Variants in LARP4 observed in about 807,000 individuals in gnomAD.
The protein encoded by LARP4 is La ribonucleoprotein 4.
A neutral mutation model predicts 92.9 loss-of-function variants in LARP4; 29 were observed. That is an observed-to-expected ratio of 0.31 (90% CI 0.23 to 0.43). The LOEUF (loss-of-function observed/expected upper bound fraction) is 0.43. LARP4 is among the 20% of genes least tolerant of loss of function. The pLI is 1.00. For missense variants in LARP4, 732 were observed against 860.0 expected (o/e 0.85, Z 1.86); for synonymous variants, 279 against 284.1 (o/e 0.98, Z 0.18).
rs188357538 is a variant in LARP4 at position 50,419,090 on chromosome 12, G to A, written c.19-8672G>A. On this transcript the variant is annotated intron_variant, in intron 1 of 15. Coordinates refer to ENST00000398473, the MANE Select transcript of LARP4 (RefSeq NM_052879.5). ...AAAAAAGCAAATGAGGCTGGGCATG[G>A]TGGTTCATGCCTGTAGTCCCAGCAC... Among the ~76,000 whole-genome samples, 21 of 152,254 alleles carry A rather than the reference G, an allele frequency of 1.4e-4. No homozygotes were observed. In the East Asian group the frequency reaches 4.0e-3, roughly 29 times the overall value.
chr12:50,448,244 CT>C (rs199963645), intron 8 of LARP4, among the ~76,000 whole-genome samples: 2,026 of 152,172 alleles, frequency 0.013, 49 homozygotes, highest in African/African-American at 0.044. Context: ...TTTGTTTTAT[CT>C]TTTTCCCCCC....
intron 1 of LARP4, among the ~76,000 whole-genome samples, chr12:50,410,963 A>G (rs1284145240): frequency 5.9e-5 from 9 of 152,132 alleles, no homozygotes; most frequent in Non-Finnish European, 1.3e-4. Flanking sequence ...ATATTGATGA[A>G]TAAACTTCAG....
intron 5 of LARP4, 137 bp downstream of exon 5, chr12:50,435,761 T>G: frequency 1.5e-6 from 1 of 654,398 alleles, no homozygotes; most frequent in Non-Finnish European, 2.5e-6. Context: ...GAATTCTCTC[T>G]CTTTGTTTTT....
chr12:50,409,892 G>A (rs1328576457), intron 1 of LARP4, among the ~76,000 whole-genome samples: 8 of 151,692 alleles, frequency 5.3e-5, no homozygotes, highest in South Asian at 2.1e-4. Context: ...AGGTTCAGGC[G>A]ATTGATTCTC....
chr12:50,401,254 A>G, intron 1 of LARP4: 1 of 603,758 alleles, frequency 1.7e-6, no homozygotes, highest in Non-Finnish European at 3.0e-6. Context: ...ATTGAAGGAG[A>G]AAAACGGAGG....
At chr12:50,411,875 G>A (rs1312754784) in intron 1 of LARP4, among the ~76,000 whole-genome samples, 1 of 151,940 alleles carries the variant, frequency 6.6e-6, no homozygotes, top group Non-Finnish European at 1.5e-5. Flanking sequence ...GATAAACGGG[G>A]TTTCACCTTG....
chr12:50,422,361 A>G (rs1947947381), intron 1 of LARP4, among the ~76,000 whole-genome samples: 1 of 152,204 alleles, frequency 6.6e-6, no homozygotes, highest in African/African-American at 2.4e-5. Context: ...TTTTGTTATT[A>G]TAGCAGTTAC....
intron 8 of LARP4, among the ~76,000 whole-genome samples, chr12:50,453,223 G>A (rs1361975076): frequency 6.6e-6 from 1 of 151,706 alleles, no homozygotes; most frequent in Non-Finnish European, 1.5e-5. Context: ...TTATTTTGAC[G>A]TGTGTTTGTG....
intron 1 of LARP4, among the ~76,000 whole-genome samples, chr12:50,420,319 G>C (rs1242442884): frequency 2.0e-5 from 3 of 152,194 alleles, no homozygotes; most frequent in Non-Finnish European, 4.4e-5. Context: ...CAACTAGAGA[G>C]ACCAAAATGG....
chr12:50,444,964 C>T (rs1283762357), intron 8 of LARP4, among the ~76,000 whole-genome samples: 1 of 152,172 alleles, frequency 6.6e-6, no homozygotes, highest in Non-Finnish European at 1.5e-5. Context: ...GGCTGGAGTG[C>T]AGTGGTACAA....
At position 50,474,154 on chromosome 12, in the gene LARP4, C is replaced by T. The variant is rs1957279030; in HGVS notation, c.1823C>T (p.Ala608Val). The T allele has an allele frequency of 6.2e-7, 1 of 1,609,192 alleles. No homozygotes were observed. Among genetic ancestry groups the T allele is most frequent in the African/African-American group, 1.3e-5 (1 of 74,564 alleles). Reference sequence around the variant, plus strand: ...AATAATAACATAAATGCAGCTACAGCTGTGGCTCTACAGGTAACTTGAAGA... The same window carrying T: ...AATAATAACATAAATGCAGCTACAGTTGTGGCTCTACAGGTAACTTGAAGA... ...PCNNNINAATAVALQEPRKLS... is the reference protein window; with the variant it reads ...PCNNNINAATVVALQEPRKLS... Residue 608 changes from alanine (A) to valine (V), a missense_variant, in exon 15 of 16, where the codon GCT becomes GTT. This residue lies in a region of LARP4 where 4 missense variants were observed against 17.7 expected (regional missense o/e 0.23). Transcript: ENST00000398473.
chr12:50,472,596 G>T lies in LARP4; in HGVS notation c.1546-819G>T, dbSNP rs528238769. Among the ~76,000 whole-genome samples, 6 of 151,424 alleles carry T rather than the reference G, an allele frequency of 4.0e-5. No individual in the cohort carries two copies. The South Asian group carries it at 1.3e-3, about 32-fold the overall frequency. On this transcript the variant is annotated intron_variant, in intron 13 of 15. Coordinates refer to ENST00000398473, the MANE Select transcript of LARP4 (RefSeq NM_052879.5). ...TGCCGTGGTACTATCATGGTTCACT[G>T]CAGCAGCTTCAACCTCCCAGACTCA...
intron 12 of LARP4, among the ~76,000 whole-genome samples, chr12:50,466,174 T>C (rs1435232500): frequency 6.6e-6 from 1 of 151,988 alleles, no homozygotes; most frequent in African/African-American, 2.4e-5. Flanking sequence ...TTTAGTGGAG[T>C]GATGACAAAG....
chr12:50,439,465 C>T (rs765191844), intron 6 of LARP4, among the ~76,000 whole-genome samples: 32 of 151,938 alleles, frequency 2.1e-4, no homozygotes, highest in Non-Finnish European at 4.3e-4. Flanking sequence ...TACAGTGGTA[C>T]GATCATAGTT....
At chr12:50,416,849 C>T (rs1325953817) in intron 1 of LARP4, among the ~76,000 whole-genome samples, 1 of 151,828 alleles carries the variant, frequency 6.6e-6, no homozygotes, top group Non-Finnish European at 1.5e-5. Flanking sequence ...TGGTGGCATG[C>T]AGCTGTAGCT....
chr12:50,408,910 A>G (rs12370701), intron 1 of LARP4, among the ~76,000 whole-genome samples: 5,454 of 152,130 alleles, frequency 0.036, 160 homozygotes, highest in Non-Finnish European at 0.06. Flanking sequence ...TGGGAGGCTG[A>G]GGTGGGAGGA....
At chr12:50,445,822 A>T (rs1216600556) in intron 8 of LARP4, among the ~76,000 whole-genome samples, 1 of 152,118 alleles carries the variant, frequency 6.6e-6, no homozygotes, top group African/African-American at 2.4e-5. Context: ...AATTTATTAG[A>T]AACATAAATG....
intron 13 of LARP4, among the ~76,000 whole-genome samples, chr12:50,469,792 C>T (rs1956689701): frequency 6.6e-6 from 1 of 151,486 alleles, no homozygotes; most frequent in Non-Finnish European, 1.5e-5. Context: ...ACCTGTAGTC[C>T]CAGCTACTCT....
chr12:50,434,330 A>G (rs1950104742), intron 4 of LARP4, among the ~76,000 whole-genome samples: 2 of 151,972 alleles, frequency 1.3e-5, no homozygotes, highest in South Asian at 2.1e-4. Flanking sequence ...TATGTGTAAG[A>G]TGCAAGTGTT....
Sources: allele counts gnomAD v4.1 joint callset (sites outside exome capture counted in the v4.1 genomes callset), GRCh38; gene constraint gnomAD v4.1.1; regional missense constraint gnomAD v4.1.1; transcripts MANE v1.5; gene names NCBI Gene and HGNC (gene_info 2026-07-23, HGNC 2026-07-21).